FBXL18: variants seen among roughly 807,000 people sequenced by gnomAD.
The protein encoded by FBXL18 is F-box/LRR-repeat protein 18.
A neutral mutation model predicts 46.0 loss-of-function variants in FBXL18; 36 were observed. The ratio of observed to expected loss-of-function variants is 0.78; its 90% CI spans 0.60 to 1.03. The LOEUF is 1.03. FBXL18 is among the 50% of genes least tolerant of loss of function. FBXL18 has a pLI of 0.00. For missense variants in FBXL18, 977 were observed against 1,004.1 expected (o/e 0.97, Z 0.36); for synonymous variants, 557 against 465.3 (o/e 1.20, Z -2.54).
At chr7:5,488,445 G>A (rs1279029697) in intron 4 of FBXL18, among the ~76,000 whole-genome samples, 1 of 151,934 alleles carries the variant, frequency 6.6e-6, no homozygotes, top group Non-Finnish European at 1.5e-5. Context: ...AACTGCTTGG[G>A]GATCGTGGAC....
In FBXL18 at chr7:5,481,757, G is replaced by A. The variant is rs1029718866; in HGVS notation, c.*18C>T. 6.2e-7 allele frequency: 1 copy of A among 1,612,758 alleles called. No homozygotes were observed. Among genetic ancestry groups the A allele is most frequent in the Non-Finnish European group, 8.5e-7 (1 of 1,179,780 alleles). ...GCTTCTCGAGGTGACTGAGACCGAT[G>A]GGCGGCGGCTCCGCCTCTCACCACC... On this transcript the variant is annotated 3_prime_UTR_variant, in exon 5 of 5. Transcript: ENST00000382368.
chr7:5,487,478 C>G (rs928558272), intron 4 of FBXL18, among the ~76,000 whole-genome samples: 1 of 152,214 alleles, frequency 6.6e-6, no homozygotes, highest in African/African-American at 2.4e-5. Flanking sequence ...GAGGTCCCCA[C>G]AGAGGTCCCC....
At chr7:5,493,692 T>C (rs757336573) in intron 3 of FBXL18, among the ~76,000 whole-genome samples, 13 of 151,040 alleles carry the variant, frequency 8.6e-5, no homozygotes, top group Non-Finnish European at 1.6e-4. Context: ...TGCGTGTGTG[T>C]GTGTGGAGAC....
At position 5,480,072 on chromosome 7, in the gene FBXL18, G is replaced by A. The variant is rs569683390; in HGVS notation, c.*1703C>T. On this transcript the variant is annotated 3_prime_UTR_variant, in exon 5 of 5. Transcript: ENST00000382368. ...CTGGACAAGGAGCTTGGCCCCCAGA[G>A]CAAGGAGCTGCTGAAAACCATCCCC... Among the ~76,000 whole-genome samples, 1 of 152,328 alleles carries A rather than the reference G, an allele frequency of 6.6e-6. No homozygotes were observed. Among genetic ancestry groups the A allele is most frequent in the Admixed American group, 6.5e-5 (1 of 15,302 alleles).
chr7:5,491,398 G>A lies in FBXL18; in HGVS notation c.1833C>T (p.Ser611=). The A allele has an allele frequency of 1.2e-6, 2 of 1,605,468 alleles. No homozygotes were observed. Among genetic ancestry groups the A allele is most frequent in the South Asian group, 1.1e-5 (1 of 89,788 alleles). Residue 611 remains serine, a synonymous_variant, in exon 4 of 5, where the codon AGC becomes AGT. Transcript: ENST00000382368. ...ACAGGCGCTGCAGCGAGGGGCACTG[G>A]CTCAGCGCCTGGAAGAACTGGGCGT... ...SANAQFFQAL[S]QCPSLQRLCL... is the part of the protein sequence containing the mutation.
chr7:5,486,010 G>A (rs920368339), intron 4 of FBXL18, among the ~76,000 whole-genome samples: 1 of 151,878 alleles, frequency 6.6e-6, no homozygotes, highest in East Asian at 1.9e-4. Flanking sequence ...AGTGAGCCGA[G>A]ATTGTGCCAC....
At chr7:5,506,977 CTAA>C (rs1354380384) in intron 1 of FBXL18, among the ~76,000 whole-genome samples, 1 of 152,170 alleles carries the variant, frequency 6.6e-6, no homozygotes, top group Non-Finnish European at 1.5e-5. Flanking sequence ...AGAGCTGGAC[CTAA>C]TGAGACATGA....
intron 2 of FBXL18, among the ~76,000 whole-genome samples, chr7:5,502,460 G>T (rs1259225603): frequency 1.3e-5 from 2 of 152,066 alleles, no homozygotes; most frequent in Non-Finnish European, 2.9e-5. Flanking sequence ...GCTTGAACCT[G>T]GGAGGTGGAG....
chr7:5,462,925 T>C (rs1584181577), intron 4 of FBXL18, among the ~76,000 whole-genome samples: 2 of 117,932 alleles, frequency 1.7e-5, no homozygotes, highest in African/African-American at 3.2e-5. Flanking sequence ...CACTCCAGCC[T>C]GGGCGACAGA....
chr7:5,494,880 A>G (rs547169854), intron 3 of FBXL18, among the ~76,000 whole-genome samples: 1 of 149,536 alleles, frequency 6.7e-6, no homozygotes. Flanking sequence ...TGGAAAAAAA[A>G]CCTTTTTTCC....
Position 5,462,950 on chromosome 7 carries a change from CAAAAAAAA to C in FBXL18, c.2001-15115_2001-15108del, listed in dbSNP as rs138208570. On this transcript the variant is annotated intron_variant and NMD_transcript_variant, in intron 4 of 6. Transcript: ENST00000415009. ...TGGGCGACAGAGTGAGACTTGGTCT[CAAAAAAAA>C]AAAAAAAAAAAATATATATATATAT... Among the ~76,000 whole-genome samples the C allele has an allele frequency of 3.8e-3, 86 of 22,386 alleles. 6 individuals are homozygous for C. Among genetic ancestry groups the C allele is most frequent in the African/African-American group, 5.5e-3 (41 of 7,520 alleles). 14.7% of individuals were successfully genotyped at this position (22,386 alleles called of 152,430 possible).
intron 4 of FBXL18, among the ~76,000 whole-genome samples, chr7:5,483,115 G>A (rs903054163): frequency 6.6e-6 from 1 of 151,928 alleles, no homozygotes; most frequent in Non-Finnish European, 1.5e-5. Context: ...CCAGGCAGAA[G>A]GAAAAACATA....
chr7:5,504,685 G>T (rs1183024488), intron 2 of FBXL18, among the ~76,000 whole-genome samples: 1 of 148,732 alleles, frequency 6.7e-6, no homozygotes, highest in Non-Finnish European at 1.5e-5. Context: ...GGATGTCGAG[G>T]CGGGCAGATC....
downstream of FBXL18, among the ~76,000 whole-genome samples, chr7:5,472,477 G>A (rs934228524): frequency 2.0e-5 from 3 of 152,188 alleles, no homozygotes; most frequent in African/African-American, 7.2e-5. Flanking sequence ...GCCACGCTGT[G>A]AGGAAGCCCA....
At chr7:5,498,755 T>G (rs533620639) in intron 3 of FBXL18, among the ~76,000 whole-genome samples, 8 of 152,130 alleles carry the variant, frequency 5.3e-5, no homozygotes, top group Admixed American at 2.6e-4. Context: ...ATGTTTTTGG[T>G]AGAAACAGAG....
chr7:5,508,103 T>C (rs1784438020), intron 1 of FBXL18, among the ~76,000 whole-genome samples: 1 of 151,644 alleles, frequency 6.6e-6, no homozygotes, highest in Non-Finnish European at 1.5e-5. Context: ...CCATCTCTAC[T>C]AAAAATACAA....
intron 3 of FBXL18, among the ~76,000 whole-genome samples, chr7:5,497,303 G>A (rs969090941): frequency 1.3e-5 from 2 of 152,038 alleles, no homozygotes; most frequent in African/African-American, 4.8e-5. Flanking sequence ...CAAAGCAGTC[G>A]CCCGTCCTGG....
chr7:5,501,942 G>T lies in FBXL18; in HGVS notation c.327C>A (p.Gly109=). The T allele has an allele frequency of 6.2e-7, 1 of 1,604,448 alleles. No homozygotes were observed. Among genetic ancestry groups the T allele is most frequent in the Non-Finnish European group, 8.5e-7 (1 of 1,176,752 alleles). Residue 109 remains glycine (G), a synonymous_variant, in exon 3 of 5, where the codon GGC becomes GGA. Transcript: ENST00000382368. ...LSMAGCYWLP[G]STVEHVARCR... ...AGCGGGCCACGTGTTCCACGGTGGA[G>T]CCAGGCAGCCAGTAGCAGCCAGCCA...
chr7:5,464,146 C>T (rs958576761), intron 4 of FBXL18, among the ~76,000 whole-genome samples: 1 of 152,072 alleles, frequency 6.6e-6, no homozygotes, highest in Non-Finnish European at 1.5e-5. Flanking sequence ...GAGTTCAAGA[C>T]CAGCCTGGCC....
Sources: gnomAD v4.1 joint callset for allele counts (sites outside exome capture counted in the v4.1 genomes callset) on GRCh38, gnomAD v4.1.1 for gene constraint, MANE v1.5 for transcripts, NCBI Gene and HGNC (gene_info 2026-07-23, HGNC 2026-07-21) for gene names.